The following DNM3 variants were observed in gnomAD, a reference collection of about 807,000 sequenced individuals.
The protein encoded by DNM3 is dynamin 3.
DNM3 carries 47 observed loss-of-function variants against 101.6 expected under a neutral mutation model. That is an observed-to-expected ratio of 0.46 (90% CI 0.37 to 0.59). The LOEUF is 0.59. Among genes scored for constraint, DNM3 ranks in the 20% least tolerant of loss-of-function variants. DNM3 has a pLI of 0.00. For synonymous variants in DNM3, 385 were observed against 387.9 expected, an observed-to-expected ratio of 0.99 and a Z score of 0.09; for missense variants, 849 against 1,085.7, an observed-to-expected ratio of 0.78 and a Z score of 3.06.
chr1:172,409,593 G>T lies in DNM3; in HGVS notation c.*1752G>T. On this transcript the variant is annotated 3_prime_UTR_variant, in exon 21 of 21. Transcript: ENST00000627582. The stretch of plus-strand genomic sequence containing the variant: ...TATCTCACCCCAAACCCCAAACTGG[G>T]GGAAAAAAAGTTAACTCTTTGTGAA... 2.0e-6 allele frequency: 2 copies of T among 985,244 alleles called. No individual in the cohort carries two copies. The highest frequency in any genetic ancestry group is 2.4e-6 in the Non-Finnish European group (2 of 829,800). 61.0% of individuals were successfully genotyped at this position (985,244 alleles called of 1,614,324 possible). A position where few individuals can be genotyped will look rare whatever the true frequency, so the allele number is the denominator to read the frequency against.
At chr1:172,232,405 A>G (rs1279908357) in intron 14 of DNM3, among the ~76,000 whole-genome samples, 2 of 152,230 alleles carry the variant, frequency 1.3e-5, no homozygotes, top group Admixed American at 1.3e-4. Context: ...TGAGAGACCT[A>G]CAAAGAGAAT....
At chr1:172,101,606 C>T (rs2054644047) in intron 13 of DNM3, among the ~76,000 whole-genome samples, 1 of 152,190 alleles carries the variant, frequency 6.6e-6, no homozygotes, top group Non-Finnish European at 1.5e-5. Context: ...CTCAACAACT[C>T]TATGAGGTAG....
intron 16 of DNM3, among the ~76,000 whole-genome samples, chr1:172,313,479 T>A (rs1282364131): frequency 6.6e-6 from 1 of 152,246 alleles, no homozygotes; most frequent in Non-Finnish European, 1.5e-5. Context: ...TTACAATATT[T>A]AAATTACATA....
chr1:171,957,199 CTT>C (rs377678762), intron 2 of DNM3, among the ~76,000 whole-genome samples: 14 of 138,314 alleles, frequency 1.0e-4, no homozygotes, highest in Admixed American at 7.4e-5. Context: ...TTCTTTCTTT[CTT>C]TTTTTTTTTT....
chr1:172,121,258 T>C (rs1489634053), intron 13 of DNM3, among the ~76,000 whole-genome samples: 1 of 152,230 alleles, frequency 6.6e-6, no homozygotes, highest in African/African-American at 2.4e-5. Context: ...GTTAATGGCC[T>C]GGATCTTATA....
chr1:172,414,829 G>C (rs2071371695), downstream of DNM3, among the ~76,000 whole-genome samples: 1 of 151,138 alleles, frequency 6.6e-6, no homozygotes, highest in African/African-American at 2.4e-5. Flanking sequence ...AGCTACCGGA[G>C]AGGCTGAGGC....
intron 14 of DNM3, among the ~76,000 whole-genome samples, chr1:172,199,369 A>G (rs533149592): frequency 4.6e-5 from 7 of 152,146 alleles, no homozygotes; most frequent in African/African-American, 1.7e-4. Flanking sequence ...TAGCAAGGAG[A>G]AGAATGTATA....
At chr1:172,028,874 C>A (rs2048395501) in intron 4 of DNM3, among the ~76,000 whole-genome samples, 1 of 152,094 alleles carries the variant, frequency 6.6e-6, no homozygotes, top group Non-Finnish European at 1.5e-5. Flanking sequence ...AGTTGAATCC[C>A]TGAATAGACC....
chr1:171,979,977 G>A (rs2044664824), intron 2 of DNM3, among the ~76,000 whole-genome samples: 1 of 151,936 alleles, frequency 6.6e-6, no homozygotes, highest in African/African-American at 2.4e-5. Flanking sequence ...TTAAACCCTG[G>A]TCTCTGTCTC....
At chr1:171,919,174 A>C (rs1571609247) in intron 1 of DNM3, among the ~76,000 whole-genome samples, 1 of 150,292 alleles carries the variant, frequency 6.7e-6, no homozygotes, top group East Asian at 2.0e-4. Flanking sequence ...TTATTATTAT[A>C]CTTTAAAGTT....
chr1:171,845,427 CCT>C (rs2031921773), intron 1 of DNM3, among the ~76,000 whole-genome samples: 1 of 152,162 alleles, frequency 6.6e-6, no homozygotes, highest in African/African-American at 2.4e-5. Context: ...GTGGAGCATG[CCT>C]GTAGTGCCAA....
In DNM3 at chr1:171,950,159, G is replaced by A. The variant is rs138077935; in HGVS notation, c.235+28338G>A. 6.4e-3 allele frequency among the ~76,000 whole-genome samples: 977 copies of A among 152,162 alleles called. 16 individuals are homozygous for A. Among genetic ancestry groups the A allele is most frequent in the African/African-American group, 0.021 (887 of 41,504 alleles). On this transcript the variant is annotated intron_variant, in intron 2 of 20. Coordinates refer to ENST00000627582, the MANE Select transcript of DNM3 (RefSeq NM_015569.5). ...GCAATAAAAAGGAATTATGTGCTCA[G>A]TGGCTGGGGTGAATCTCAAAATAAT...
chr1:172,246,040 A>G (rs940518778), intron 14 of DNM3, among the ~76,000 whole-genome samples: 2 of 152,144 alleles, frequency 1.3e-5, no homozygotes, highest in African/African-American at 4.8e-5. Flanking sequence ...GTGGCAGGAG[A>G]GAGAAAGAAT....
In DNM3 at chr1:172,198,567, A is replaced by G. The variant is rs367627229; in HGVS notation, c.1660-55006A>G. ...GGGCTTTTTTTTTGGTTGGTAGGCTATTTATTACTGATTCAATTTTGGAGC... is the reference window on the plus strand; with the variant it reads ...GGGCTTTTTTTTTGGTTGGTAGGCTGTTTATTACTGATTCAATTTTGGAGC... On this transcript the variant is annotated intron_variant, in intron 14 of 20. Transcript: ENST00000627582. 4.6e-5 allele frequency among the ~76,000 whole-genome samples: 7 copies of G among 151,778 alleles called. No homozygotes were observed. In the East Asian group the frequency reaches 5.8e-4, roughly 13 times the overall value.
In DNM3 at chr1:172,132,910, T is replaced by C. The variant is rs991384364; in HGVS notation, c.1659+1622T>C. ...GCAGAACATTTAGTCTTGGCGAGGA[T>C]AACCAACTTACCAAAGTCACACAGC... On this transcript the variant is annotated intron_variant, in intron 14 of 20. Transcript: ENST00000627582. The C allele has an allele frequency of 3.5e-6, 4 of 1,157,752 alleles. No homozygotes were observed. In the African/African-American group the frequency reaches 6.1e-5, roughly 18 times the overall value. 71.7% of individuals were successfully genotyped at this position (1,157,752 alleles called of 1,614,324 possible).
chr1:171,888,195 G>A (rs182840697), intron 1 of DNM3, among the ~76,000 whole-genome samples: 1 of 151,746 alleles, frequency 6.6e-6, no homozygotes, highest in Non-Finnish European at 1.5e-5. Context: ...TCATTTGCTT[G>A]TGAAGTGTGA....
chr1:171,966,875 T>C (rs895761016), intron 2 of DNM3, among the ~76,000 whole-genome samples: 1 of 152,238 alleles, frequency 6.6e-6, no homozygotes, highest in Non-Finnish European at 1.5e-5. Flanking sequence ...GGTTTGTAGT[T>C]GCTTATCAGA....
intron 1 of DNM3, among the ~76,000 whole-genome samples, chr1:171,876,754 CTG>C (rs1186940016): frequency 6.6e-6 from 1 of 152,148 alleles, no homozygotes; most frequent in Non-Finnish European, 1.5e-5. Flanking sequence ...TACTAAAGTA[CTG>C]TGTTTGGGGA....
chr1:172,156,769 ATG>A (rs1435823641), intron 14 of DNM3, among the ~76,000 whole-genome samples: 2 of 152,126 alleles, frequency 1.3e-5, no homozygotes, highest in Non-Finnish European at 2.9e-5. Context: ...GATAGAATGT[ATG>A]TAAGAGCATT....
Sources: allele counts gnomAD v4.1 joint callset (sites outside exome capture counted in the v4.1 genomes callset), GRCh38; gene constraint gnomAD v4.1.1; transcripts MANE v1.5; gene names NCBI Gene and HGNC (gene_info 2026-07-23, HGNC 2026-07-21).